SH3TC2: variants seen among roughly 807,000 people sequenced by gnomAD.
SH3TC2 encodes SH3 domain and tetratricopeptide repeat-containing protein 2.
SH3TC2 carries 87 observed loss-of-function variants against 124.5 expected under a neutral mutation model. The observed-to-expected ratio is 0.70, with a 90% confidence interval of 0.59 to 0.84. SH3TC2 has a LOEUF of 0.84. Among genes scored for constraint, SH3TC2 ranks in the 40% least tolerant of loss-of-function variants. The probability of loss-of-function intolerance (pLI) is 0.00; values close to 1 mark genes in which losing one functional copy is unlikely to be tolerated. For synonymous variants in SH3TC2, 634 were observed against 628.5 expected (o/e 1.01, Z -0.13); for missense variants, 1,536 against 1,566.4 (o/e 0.98, Z 0.33).
chr5:149,006,056 G>A (rs1753683224), intron 16 of SH3TC2: 1 of 152,358 alleles, frequency 6.6e-6, no homozygotes, highest in Admixed American at 6.5e-5. Flanking sequence ...CTTGAGTCCA[G>A]CAGTTCGAGA....
chr5:149,023,960 G>C (rs1213878519), intron 12 of SH3TC2, among the ~76,000 whole-genome samples: 7 of 152,052 alleles, frequency 4.6e-5, no homozygotes, highest in Non-Finnish European at 8.8e-5. Flanking sequence ...ATGTAATTTG[G>C]TTCTTTATCA....
chr5:149,044,977 T>A (rs1754433601), intron 3 of SH3TC2: 1 of 185,416 alleles, frequency 5.4e-6, no homozygotes, highest in Non-Finnish European at 1.1e-5. Context: ...TTTTTGTGTT[T>A]AAAAAAAAAA....
Position 149,000,714 on chromosome 5 carries a change from G to A in SH3TC2, c.*3997C>T, listed in dbSNP as rs1753582662. ...GAACAGCAGAAATCCTGTCATTTGTGCAACTAAGTCCTTGAGTCATGAGAC... is the reference window on the plus strand; with the variant it reads ...GAACAGCAGAAATCCTGTCATTTGTACAACTAAGTCCTTGAGTCATGAGAC... On this transcript the variant is annotated 3_prime_UTR_variant, in exon 17 of 17. Transcript: ENST00000515425. Among the ~76,000 whole-genome samples, 1 of 152,120 alleles carries A rather than the reference G, an allele frequency of 6.6e-6. No homozygotes were observed. Among genetic ancestry groups the A allele is most frequent in the Non-Finnish European group, 1.5e-5 (1 of 68,016 alleles).
rs1753735272 is a variant in SH3TC2, at chr5:149,008,860, T to G, written c.3469A>C (p.Thr1157Pro). ...EFATLAARLS[T>P]VTGDQRQELV... ...AGTGAAGACCACCCACCTGTGACTG[T>G]GCTGAGCCTGGCGGCCAGGGTGGCA... Residue 1157 changes from threonine to proline, a missense_variant, in exon 15 of 17, where the codon ACA becomes CCA. By Grantham distance (38) the Thr-to-Pro change is conservative (BLOSUM62 -1). Transcript: ENST00000515425. 6.2e-7 allele frequency: 1 copy of G among 1,614,062 alleles called. No homozygotes were observed. Among genetic ancestry groups the G allele is most frequent in the South Asian group, 1.1e-5 (1 of 91,090 alleles).
Position 149,041,533 on chromosome 5 carries a change from A to G in SH3TC2, c.614T>C (p.Leu205Ser). Residue 205 changes from leucine to serine, a missense_variant, in exon 6 of 17, where the codon TTA becomes TCA. Transcript: ENST00000515425. Reference sequence around the variant, plus strand: ...AGCTTCTGCCATCTTCACTGAGATTAACTCATTCTTGCAAAGTGTCAAGCA... The same window carrying G: ...AGCTTCTGCCATCTTCACTGAGATTGACTCATTCTTGCAAAGTGTCAAGCA... ...GECLTLCKNE[L>S]ISVKMAEAGS... The G allele has an allele frequency of 6.2e-7, 1 of 1,614,200 alleles. No homozygotes were observed. The highest frequency in any genetic ancestry group is 8.5e-7 in the Non-Finnish European group (1 of 1,180,036).
At chr5:149,045,863 T>A (rs1754453609) in intron 3 of SH3TC2, 1 of 256,628 alleles carries the variant, frequency 3.9e-6, no homozygotes. Flanking sequence ...GCCAGGATGG[T>A]CTCGATCTCT....
chr5:149,054,894 TGAA>T (rs1754616050), intron 1 of SH3TC2, among the ~76,000 whole-genome samples: 1 of 152,144 alleles, frequency 6.6e-6, no homozygotes, highest in African/African-American at 2.4e-5. Flanking sequence ...GAGCCCACCT[TGAA>T]GAAGGGAAGT....
intron 13 of SH3TC2, among the ~76,000 whole-genome samples, chr5:149,011,432 C>T (rs181493308): frequency 2.6e-4 from 39 of 152,276 alleles, no homozygotes; most frequent in Admixed American, 9.8e-4. Context: ...CTCTGGAAAC[C>T]CTTTCAGCCC....
Position 149,005,594 on chromosome 5 carries a change from G to C in SH3TC2, c.3676-692C>G, listed in dbSNP as rs530344171. Among the ~76,000 whole-genome samples, 21 of 152,230 alleles carry C rather than the reference G, an allele frequency of 1.4e-4. No individual in the cohort carries two copies. The South Asian group carries it at 4.4e-3, about 32-fold the overall frequency. On this transcript the variant is annotated intron_variant, in intron 16 of 16. Transcript: ENST00000515425. ...CCTGAACCACTTACTGGGAGCTATG[G>C]GGCAGAGGCAAGATGGCTAGAGGGT... is the stretch of plus-strand genomic sequence containing the variant.
In SH3TC2 at chr5:149,028,269, T is replaced by A. The variant is rs1416723910; in HGVS notation, c.1463A>T (p.Asp488Val). ...AGAAGTGAGGAAAGAGAAGGAGAAGTCATAGAGACTCTTAAAGTGGTCAGC... is the reference window on the plus strand; with the variant it reads ...AGAAGTGAGGAAAGAGAAGGAGAAGACATAGAGACTCTTAAAGTGGTCAGC... Reference protein sequence around the residue: ...GYADHFKSLYDFSFSFLTSSF... With the variant: ...GYADHFKSLYVFSFSFLTSSF... Residue 488 changes from aspartate (D) to valine (V), a missense_variant, in exon 11 of 17, where the codon GAC (aspartate) becomes GTC (valine). This residue lies in a region of SH3TC2 where 1,102 missense variants were observed against 1,098.6 expected (regional missense o/e 1.00). Coordinates refer to ENST00000515425, the MANE Select transcript of SH3TC2 (RefSeq NM_024577.4). 6.2e-7 allele frequency: 1 copy of A among 1,613,924 alleles called. No individual in the cohort carries two copies. Among genetic ancestry groups the A allele is most frequent in the Admixed American group, 1.7e-5 (1 of 60,026 alleles).
chr5:149,030,021 C>A (rs1363877566), intron 9 of SH3TC2, among the ~76,000 whole-genome samples: 1 of 152,162 alleles, frequency 6.6e-6, no homozygotes, highest in Non-Finnish European at 1.5e-5. Context: ...CATTGCAGAA[C>A]CTCCAGATCT....
Position 149,004,122 on chromosome 5 carries a change from T to C in SH3TC2, c.*589A>G, listed in dbSNP as rs1292382792. 5.4e-6 allele frequency: 1 copy of C among 186,146 alleles called. No individual in the cohort carries two copies. Among genetic ancestry groups the C allele is most frequent in the Non-Finnish European group, 1.1e-5 (1 of 88,288 alleles). The allele number at this position is 186,146 out of a possible 1,614,324, so 11.5% of individuals were successfully genotyped here. On this transcript the variant is annotated 3_prime_UTR_variant, in exon 17 of 17. Coordinates refer to ENST00000515425, the MANE Select transcript of SH3TC2 (RefSeq NM_024577.4). Reference sequence around the variant, plus strand: ...GCAGGAGGAAGATGGTGAATCCAAGTCAGGTTTCGTGCAATCCATCTGGCC... The same window carrying C: ...GCAGGAGGAAGATGGTGAATCCAAGCCAGGTTTCGTGCAATCCATCTGGCC...
Position 148,996,428 on chromosome 5 carries a change from T to A in SH3TC2, c.*8283A>T, listed in dbSNP as rs780934660. On this transcript the variant is annotated 3_prime_UTR_variant, in exon 17 of 17. Transcript: ENST00000515425. ...ATGAAAATCCTCCAAGTAATCTTTC[T>A]GTTTGCTATCCTTTCCCTCCACCCA... Among the ~76,000 whole-genome samples, 16 of 152,196 alleles carry A rather than the reference T, an allele frequency of 1.1e-4. No individual in the cohort carries two copies. Among genetic ancestry groups the A allele is most frequent in the Admixed American group, 3.9e-4 (6 of 15,276 alleles).
chr5:149,017,380 T>A (rs1246200140), intron 12 of SH3TC2, among the ~76,000 whole-genome samples: 1 of 152,128 alleles, frequency 6.6e-6, no homozygotes, highest in African/African-American at 2.4e-5. Context: ...CAAACCTTTA[T>A]CAAACTAAAT....
rs1327119560 is a variant in SH3TC2, at chr5:149,041,504, A to G, written c.643T>C (p.Ser215Pro). The change falls in exon 6 of 17, where the codon TCC (serine) becomes CCC (proline). Residue 215 changes from serine to proline, a missense_variant. Physicochemically the swap from Ser to Pro is moderately conservative, Grantham distance 74. This residue lies in a region of SH3TC2 where 1,102 missense variants were observed against 1,098.6 expected (regional missense o/e 1.00). Transcript: ENST00000515425. ...LISVKMAEAGSELEGVSLVTG... is the reference protein window; with the variant it reads ...LISVKMAEAGPELEGVSLVTG... ...ACCAAAGACACGCCTTCCAACTCGG[A>G]GCCAGCTTCTGCCATCTTCACTGAG... 5.6e-6 allele frequency: 9 copies of G among 1,614,096 alleles called. No homozygotes were observed. Among genetic ancestry groups the G allele is most frequent in the Admixed American group, 1.7e-5 (1 of 59,996 alleles).
chr5:149,034,624 G>A, intron 8 of SH3TC2: 1 of 210,636 alleles, frequency 4.7e-6, no homozygotes, highest in Non-Finnish European at 9.9e-6. Context: ...CTCCTTTCTT[G>A]GTTTAATTAC....
At chr5:149,007,291 T>C in intron 15 of SH3TC2, 1 of 643,996 alleles carries the variant, frequency 1.6e-6, no homozygotes, top group Non-Finnish European at 2.8e-6. Context: ...AATGTAACAT[T>C]ACACATGTCA....
chr5:149,055,076 A>G (rs2127404178), intron 1 of SH3TC2, among the ~76,000 whole-genome samples: 1 of 152,346 alleles, frequency 6.6e-6, no homozygotes, highest in South Asian at 2.1e-4. Context: ...AAAAACTTAT[A>G]GAAAATATAG....
intron 4 of SH3TC2, chr5:149,044,240 T>C: frequency 2.6e-6 from 1 of 381,042 alleles, no homozygotes; most frequent in Non-Finnish European, 5.0e-6. Context: ...ATTTCAGTAC[T>C]TTGAACTTAG....
Sources: gnomAD v4.1 joint callset for allele counts (sites outside exome capture counted in the v4.1 genomes callset) on GRCh38, gnomAD v4.1.1 for gene constraint, gnomAD v4.1.1 regional missense constraint, MANE v1.5 for transcripts, NCBI Gene and HGNC (gene_info 2026-07-23, HGNC 2026-07-21) for gene names.